TTC28: variants seen among roughly 807,000 people sequenced by gnomAD.
TTC28 encodes tetratricopeptide repeat domain 28, also known as tetratricopeptide repeat protein 28.
A neutral mutation model predicts 198.0 loss-of-function variants in TTC28; 61 were observed. That is an observed-to-expected ratio of 0.31 (90% CI 0.25 to 0.38). The LOEUF (loss-of-function observed/expected upper bound fraction) is 0.38. Among genes scored for constraint, TTC28 ranks in the 10% least tolerant of loss-of-function variants. TTC28 has a pLI of 1.00. For missense variants in TTC28, 2,678 were observed against 3,164.0 expected (o/e 0.85, Z 3.69); for synonymous variants, 1,171 against 1,297.8 (o/e 0.90, Z 2.10).
At chr22:28,031,733 A>G (rs986813620) in intron 12 of TTC28, among the ~76,000 whole-genome samples, 1 of 152,142 alleles carries the variant, frequency 6.6e-6, no homozygotes, top group African/African-American at 2.4e-5. Context: ...AATTTATGTC[A>G]ACGTGACTGG....
chr22:28,221,780 T>C (rs1325334930), intron 5 of TTC28, among the ~76,000 whole-genome samples: 1 of 152,200 alleles, frequency 6.6e-6, no homozygotes, highest in African/African-American at 2.4e-5. Context: ...ACATGTTACT[T>C]TTTCTGTGAA....
At chr22:28,571,754 G>C (rs890740745) in intron 2 of TTC28, among the ~76,000 whole-genome samples, 1 of 151,754 alleles carries the variant, frequency 6.6e-6, no homozygotes, top group Non-Finnish European at 1.5e-5. Flanking sequence ...TTCGAGGCCA[G>C]CCTGACAAAC....
intron 12 of TTC28, among the ~76,000 whole-genome samples, chr22:28,071,057 T>C (rs1427675147): frequency 1.3e-5 from 2 of 151,888 alleles, no homozygotes; most frequent in Non-Finnish European, 2.9e-5. Flanking sequence ...GGGAGGAGAA[T>C]GAGTGCTGGA....
chr22:28,011,738 C>G (rs138667), intron 14 of TTC28, among the ~76,000 whole-genome samples: 12,978 of 151,902 alleles, frequency 0.085, 595 homozygotes, highest in African/African-American at 0.1. Context: ...ATGAAGGGAT[C>G]CAGGAAGGTA....
intron 5 of TTC28, among the ~76,000 whole-genome samples, chr22:28,239,695 A>T (rs1374757972): frequency 6.6e-6 from 1 of 152,084 alleles, no homozygotes; most frequent in African/African-American, 2.4e-5. Context: ...TCCCCTAGGA[A>T]CTCTACCAGG....
chr22:28,465,608 G>A (rs1014277520), intron 2 of TTC28, among the ~76,000 whole-genome samples: 9 of 150,942 alleles, frequency 6.0e-5, no homozygotes, highest in African/African-American at 2.2e-4. Flanking sequence ...TGGGCAACAA[G>A]AGCGAAACTC....
At chr22:28,100,039 T>C (rs1202164732) in intron 9 of TTC28, among the ~76,000 whole-genome samples, 1 of 152,242 alleles carries the variant, frequency 6.6e-6, no homozygotes, top group African/African-American at 2.4e-5. Context: ...AGTGAGGCCA[T>C]CAGACTTTTC....
At chr22:28,269,105 C>A (rs372644602) in intron 5 of TTC28, among the ~76,000 whole-genome samples, 2 of 152,092 alleles carry the variant, frequency 1.3e-5, no homozygotes, top group African/African-American at 4.8e-5. Context: ...TGGTCTTTCA[C>A]GCAAGCACTA....
At chr22:28,277,052 G>C (rs765311953) in intron 5 of TTC28, among the ~76,000 whole-genome samples, 3 of 152,044 alleles carry the variant, frequency 2.0e-5, no homozygotes, top group Non-Finnish European at 4.4e-5. Flanking sequence ...TAATTAATTA[G>C]TGAAGTGTTA....
intron 1 of TTC28, among the ~76,000 whole-genome samples, chr22:28,674,817 CAAAA>C (rs34351638): frequency 5.2e-5 from 5 of 96,578 alleles, no homozygotes; most frequent in African/African-American, 4.1e-5. Context: ...ACTCTGTCTC[CAAAA>C]AAAAAAAAAA....
chr22:28,549,571 T>C (rs1343648706), intron 2 of TTC28, among the ~76,000 whole-genome samples: 2 of 152,242 alleles, frequency 1.3e-5, no homozygotes, highest in East Asian at 3.8e-4. Flanking sequence ...CTCTCCTTTT[T>C]AAGTCTATCT....
At chr22:28,516,077 C>T (rs1157142404) in intron 2 of TTC28, among the ~76,000 whole-genome samples, 3 of 149,822 alleles carry the variant, frequency 2.0e-5, no homozygotes, top group South Asian at 2.1e-4. Context: ...ACCCAGGAGG[C>T]GGAGGTTGCA....
chr22:28,004,466 G>A (rs1033447907), intron 14 of TTC28, among the ~76,000 whole-genome samples: 1 of 152,150 alleles, frequency 6.6e-6, no homozygotes, highest in Non-Finnish European at 1.5e-5. Flanking sequence ...GTCCAGGCTG[G>A]GAGATAGGGA....
chr22:28,140,593 A>T (rs1943308278), intron 6 of TTC28, among the ~76,000 whole-genome samples: 1 of 152,236 alleles, frequency 6.6e-6, no homozygotes, highest in East Asian at 1.9e-4. Flanking sequence ...ATGGACTTCT[A>T]GATTTCCAAA....
chr22:28,323,380 C>CA (rs1476910060), intron 2 of TTC28, among the ~76,000 whole-genome samples: 1 of 151,936 alleles, frequency 6.6e-6, no homozygotes, highest in African/African-American at 2.4e-5. Flanking sequence ...CAAGATAACA[C>CA]AAAAAACTAT....
intron 2 of TTC28, among the ~76,000 whole-genome samples, chr22:28,580,934 C>T (rs1288796056): frequency 2.0e-5 from 3 of 151,948 alleles, no homozygotes; most frequent in Non-Finnish European, 4.4e-5. Context: ...TACTCTCATT[C>T]TATTATTATT....
At chr22:28,367,816 A>T (rs376910727) in intron 2 of TTC28, among the ~76,000 whole-genome samples, 113 of 152,172 alleles carry the variant, frequency 7.4e-4, no homozygotes, top group African/African-American at 2.6e-3. Flanking sequence ...AAAATCCAGA[A>T]GAAATGGAAA....
At chr22:28,375,181 G>C (rs958186195) in intron 2 of TTC28, among the ~76,000 whole-genome samples, 1 of 151,980 alleles carries the variant, frequency 6.6e-6, no homozygotes, top group Non-Finnish European at 1.5e-5. Context: ...TTGGAGTTAG[G>C]GTCATTTCAG....
At chr22:28,001,210 C>G (rs1445627692) in intron 15 of TTC28, 164 bp downstream of exon 15, 2 of 894,438 alleles carry the variant, frequency 2.2e-6, no homozygotes, top group African/African-American at 1.7e-5. Flanking sequence ...CACTTTTGGA[C>G]AGACCTACTC....
Sources: gnomAD v4.1 joint callset for allele counts (sites outside exome capture counted in the v4.1 genomes callset) on GRCh38, gnomAD v4.1.1 for gene constraint, MANE v1.5 for transcripts, NCBI Gene and HGNC (gene_info 2026-07-23, HGNC 2026-07-21) for gene names.